XPO6: variants seen among roughly 807,000 people sequenced by gnomAD.
XPO6 encodes the protein exportin-6.
In XPO6, 3 loss-of-function variants were observed where a neutral mutation model predicts 130.0. The observed-to-expected ratio is 0.02, with a 90% CI of 0.01 to 0.06. The LOEUF (loss-of-function observed/expected upper bound fraction) is 0.06. Ranked by LOEUF, XPO6 falls within the 10% of genes least tolerant of loss-of-function variation. The pLI, the probability that XPO6 is intolerant of heterozygous loss-of-function variation, is 1.00. For missense variants in XPO6, 970 were observed against 1,393.0 expected (o/e 0.70, Z 4.83); for synonymous variants, 524 against 548.9 (o/e 0.95, Z 0.63).
chr16:28,125,580 T>A, intron 13 of XPO6, 109 bp downstream of exon 13: 2 of 1,406,010 alleles, frequency 1.4e-6, no homozygotes, highest in Non-Finnish European at 1.9e-6. Flanking sequence ...GAGCCTAGAT[T>A]TACCCGGGGC....
At chr16:28,151,997 C>A (rs1023662368) in intron 8 of XPO6, among the ~76,000 whole-genome samples, 1 of 152,134 alleles carries the variant, frequency 6.6e-6, no homozygotes, top group Admixed American at 6.5e-5. Context: ...CTGAGTTATA[C>A]AATTACAATG....
At chr16:28,172,770 T>G (rs1246740436) in intron 4 of XPO6, among the ~76,000 whole-genome samples, 1 of 151,844 alleles carries the variant, frequency 6.6e-6, no homozygotes, top group Non-Finnish European at 1.5e-5. Flanking sequence ...CACCCCAGAC[T>G]GCAAACACAA....
chr16:28,158,647 C>T (rs1048430115), intron 6 of XPO6, among the ~76,000 whole-genome samples: 2 of 152,076 alleles, frequency 1.3e-5, no homozygotes, highest in African/African-American at 4.8e-5. Context: ...TCAAGGGACC[C>T]CAAGACCCAA....
intron 9 of XPO6, among the ~76,000 whole-genome samples, chr16:28,142,863 T>C (rs1171618426): frequency 2.6e-5 from 4 of 152,074 alleles, no homozygotes; most frequent in Non-Finnish European, 4.4e-5. Flanking sequence ...CACACTACCA[T>C]GTCTGGCTAA....
intron 1 of XPO6, among the ~76,000 whole-genome samples, chr16:28,210,166 A>G (rs2044102815): frequency 6.6e-6 from 1 of 152,196 alleles, no homozygotes; most frequent in Non-Finnish European, 1.5e-5. Context: ...CTATACGTAT[A>G]GCATATACTG....
At chr16:28,103,832 G>A (rs769108919) in intron 21 of XPO6, among the ~76,000 whole-genome samples, 1 of 152,222 alleles carries the variant, frequency 6.6e-6, no homozygotes, top group Non-Finnish European at 1.5e-5. Context: ...CATGCTGTGT[G>A]CTAGTAGGGA....
At chr16:28,183,809 T>C (rs1412076025) in intron 1 of XPO6, among the ~76,000 whole-genome samples, 1 of 152,134 alleles carries the variant, frequency 6.6e-6, no homozygotes, top group Non-Finnish European at 1.5e-5. Flanking sequence ...TTTCTCCCAA[T>C]CATATCTAGT....
chr16:28,120,878 A>G (rs150358897), intron 14 of XPO6, among the ~76,000 whole-genome samples: 4 of 152,338 alleles, frequency 2.6e-5, no homozygotes, highest in Non-Finnish European at 5.9e-5. Context: ...CTCTGCTGCT[A>G]TAGTGCAAAA....
At chr16:28,136,524 G>A (rs2042781090) in intron 9 of XPO6, among the ~76,000 whole-genome samples, 1 of 152,076 alleles carries the variant, frequency 6.6e-6, no homozygotes, top group Admixed American at 6.6e-5. Flanking sequence ...AGCACCAATG[G>A]GTTTTAAGCC....
At chr16:28,131,583 T>C (rs1418691063) in intron 12 of XPO6, among the ~76,000 whole-genome samples, 1 of 152,214 alleles carries the variant, frequency 6.6e-6, no homozygotes, top group African/African-American at 2.4e-5. Flanking sequence ...CAACATTTTG[T>C]CATTCCCTAT....
At chr16:28,210,842 G>C (rs1319874320) in intron 1 of XPO6, among the ~76,000 whole-genome samples, 1 of 152,222 alleles carries the variant, frequency 6.6e-6, no homozygotes, top group Non-Finnish European at 1.5e-5. Flanking sequence ...CCTACAGCTA[G>C]ATGAGATGTT....
intron 12 of XPO6, among the ~76,000 whole-genome samples, chr16:28,128,372 G>A (rs1035045354): frequency 2.0e-5 from 3 of 152,060 alleles, no homozygotes; most frequent in Non-Finnish European, 2.9e-5. Context: ...CACTGAGTCC[G>A]CTTCAGCAGT....
intron 1 of XPO6, among the ~76,000 whole-genome samples, chr16:28,208,609 C>T (rs769033085): frequency 2.7e-4 from 41 of 152,192 alleles, no homozygotes; most frequent in Non-Finnish European, 5.4e-4. Flanking sequence ...CAACGTACCT[C>T]AGAAAAAATG....
At chr16:28,190,514 G>C (rs531209924) in intron 1 of XPO6, among the ~76,000 whole-genome samples, 1 of 152,108 alleles carries the variant, frequency 6.6e-6, no homozygotes, top group Non-Finnish European at 1.5e-5. Context: ...CTGAGCCAGC[G>C]TGCCCAGCCT....
intron 15 of XPO6, 42 bp downstream of exon 15, chr16:28,117,276 C>T: frequency 6.2e-7 from 1 of 1,609,244 alleles, no homozygotes; most frequent in Admixed American, 1.7e-5. Flanking sequence ...GAAGGAGAGA[C>T]AGAGAGTTAG....
In XPO6 at chr16:28,101,705, C is replaced by G. The variant is rs759547706; in HGVS notation, c.3046-17G>C. The G allele has an allele frequency of 1.3e-6, 2 of 1,599,644 alleles. No individual in the cohort carries two copies. The highest frequency in any genetic ancestry group is 1.3e-5 in the African/African-American group (1 of 74,644). On this transcript the variant is annotated splice_polypyrimidine_tract_variant and intron_variant, in intron 22 of 23. Transcript: ENST00000304658. This position sits in a 1 kb window ranked among gnomAD's most constrained non-coding sequence, Gnocchi z 5.4. Reference sequence around the variant, plus strand: ...GAAGATCTTCTGCAGGCAGAGAGACCAGGTGAGCAGCAGCCAGCCCCCAGG... The same window carrying G: ...GAAGATCTTCTGCAGGCAGAGAGACGAGGTGAGCAGCAGCCAGCCCCCAGG...
In XPO6 at chr16:28,146,097, T is replaced by A. The variant is rs1326118456; in HGVS notation, c.1331A>T (p.Asn444Ile). ...TTTCAGTGTTTGAGGAGTTTACCTGTTGAGAACTGCTTCCTTGTCTCCAAG... is the reference window on the plus strand; with the variant it reads ...TTTCAGTGTTTGAGGAGTTTACCTGATGAGAACTGCTTCCTTGTCTCCAAG... ...SRLGDKEAVL[N>I]RYEDALVLLL... is the part of the protein sequence containing the mutation. The change falls in exon 9 of 24, where the codon AAC becomes ATC. Residue 444 changes from asparagine to isoleucine, a missense_variant. Around this residue, in one of 4 missense-constraint regions of XPO6, gnomAD observed 936 missense variants for 1,306.8 expected, o/e 0.72. Coordinates refer to ENST00000304658, the MANE Select transcript of XPO6 (RefSeq NM_015171.4). 1 of 1,611,884 alleles carries A rather than the reference T, an allele frequency of 6.2e-7. No individual in the cohort carries two copies. Among genetic ancestry groups the A allele is most frequent in the Non-Finnish European group, 8.5e-7 (1 of 1,178,334 alleles).
At position 28,211,636 on chromosome 16, in the gene XPO6, G is replaced by T; in HGVS notation, c.-268C>A. 2.6e-6 allele frequency: 1 copy of T among 382,024 alleles called. No homozygotes were observed. Among genetic ancestry groups the T allele is most frequent in the Non-Finnish European group, 4.5e-6 (1 of 223,102 alleles). The allele number at this position is 382,024 out of a possible 1,614,324, so 23.7% of individuals were successfully genotyped here. On this transcript the variant is annotated 5_prime_UTR_variant, in exon 1 of 24. Transcript: ENST00000304658. ...AAGCAGGAAATGAGGCTCGGATGCC[G>T]GCGAGGAGGGCAGCTGCTCGGGACC...
chr16:28,145,236 G>A (rs1271110746), intron 9 of XPO6, among the ~76,000 whole-genome samples: 1 of 152,138 alleles, frequency 6.6e-6, no homozygotes, highest in Non-Finnish European at 1.5e-5. Context: ...TGACTGGGAT[G>A]CAGTCACCTA....
Sources: allele counts gnomAD v4.1 joint callset (sites outside exome capture counted in the v4.1 genomes callset), GRCh38; gene constraint gnomAD v4.1.1; regional missense constraint gnomAD v4.1.1; non-coding constraint Gnocchi (gnomAD v3.1); transcripts MANE v1.5; gene names NCBI Gene and HGNC (gene_info 2026-07-23, HGNC 2026-07-21).